The following PTPRD variants were observed in gnomAD, a reference collection of about 807,000 sequenced individuals.
The protein encoded by PTPRD is protein tyrosine phosphatase receptor type D.
PTPRD carries 34 observed loss-of-function variants against 214.5 expected under a neutral mutation model. That is an observed-to-expected ratio of 0.16 (90% confidence interval 0.12 to 0.21). The LOEUF (loss-of-function observed/expected upper bound fraction) is 0.21, where lower values mean the gene tolerates loss of function less well. PTPRD is among the 10% of genes least tolerant of loss of function. The pLI, the probability that PTPRD is intolerant of heterozygous loss-of-function variation, is 1.00. For synonymous variants in PTPRD, 1,128 were observed against 845.7 expected (o/e 1.33, Z -5.79); for missense variants, 2,545 against 2,398.7 (o/e 1.06, Z -1.27).
rs146764109 is a variant in PTPRD, at chr9:9,687,323, T to C, written c.-287+47210A>G. ...ATAAACCTTACACAGGTGGGAGAAA[T>C]ATCTTGCTTAGATGACAAGATAAGT... On this transcript the variant is annotated intron_variant, in intron 7 of 45. Transcript: ENST00000381196. 3.7e-3 allele frequency among the ~76,000 whole-genome samples: 559 copies of C among 151,864 alleles called. 7 individuals carry two copies. The highest frequency in any genetic ancestry group is 4.6e-3 in the Non-Finnish European group (313 of 67,814).
At position 8,482,285 on chromosome 9, in the gene PTPRD, A is replaced by AC. The variant is rs1297960635; in HGVS notation, c.3413+1833_3413+1834insG. On this transcript the variant is annotated intron_variant, in intron 30 of 45. Coordinates refer to ENST00000381196, the MANE Select transcript of PTPRD (RefSeq NM_002839.4). ...TCTCATCATTAAAGCAGCTACCAATAATGTATGCTGTACTACTACTCTAGT... is the reference window on the plus strand; with the variant it reads ...TCTCATCATTAAAGCAGCTACCAATACATGTATGCTGTACTACTACTCTAGT... 6.2e-3 allele frequency among the ~76,000 whole-genome samples: 437 copies of AC among 70,598 alleles called. 2 individuals are homozygous for AC. The highest frequency in any genetic ancestry group is 0.025 in the African/African-American group (394 of 15,640). The allele number at this position is 70,598 out of a possible 152,430, so 46.3% of individuals were successfully genotyped here.
chr9:8,704,113 G>A (rs1320536934), intron 12 of PTPRD, among the ~76,000 whole-genome samples: 1 of 152,114 alleles, frequency 6.6e-6, no homozygotes, highest in Admixed American at 6.5e-5. Flanking sequence ...CACCATAAGA[G>A]TAGGGGCCAG....
rs578186487 is a variant in PTPRD, at chr9:10,190,803, G to A, written c.-545+150160C>T. 1.3e-3 allele frequency among the ~76,000 whole-genome samples: 198 copies of A among 150,824 alleles called. 2 individuals are homozygous for A. The highest frequency in any genetic ancestry group is 1.7e-3 in the African/African-American group (71 of 41,004). Reference sequence around the variant, plus strand: ...ACAACTCAAGATGCAGTTGTACAACGTGAGGTTTATGAGTCTAGCAACAAA... The same window carrying A: ...ACAACTCAAGATGCAGTTGTACAACATGAGGTTTATGAGTCTAGCAACAAA... On this transcript the variant is annotated intron_variant, in intron 3 of 45. Coordinates refer to ENST00000381196, the MANE Select transcript of PTPRD (RefSeq NM_002839.4).
chr9:9,572,269 A>G lies in PTPRD; in HGVS notation c.-237+2463T>C, dbSNP rs565277306. On this transcript the variant is annotated intron_variant, in intron 8 of 45. Coordinates refer to ENST00000381196, the MANE Select transcript of PTPRD (RefSeq NM_002839.4). ...CAAACTATGTTGTGAAAATACTTCT[A>G]TCATGACTGATTTTCAAACCCATAA... Among the ~76,000 whole-genome samples, 31 of 151,530 alleles carry G rather than the reference A, an allele frequency of 2.0e-4. 1 individual carries two copies. In the South Asian group the frequency reaches 6.4e-3, roughly 31 times the overall value.
intron 2 of PTPRD, among the ~76,000 whole-genome samples, chr9:10,456,448 A>C (rs904814552): frequency 6.6e-6 from 1 of 151,926 alleles, no homozygotes; most frequent in African/African-American, 2.4e-5. Context: ...TAAAAGATCA[A>C]AGTGAGAACT....
intron 7 of PTPRD, among the ~76,000 whole-genome samples, chr9:9,632,772 G>C (rs572990424): frequency 1.3e-3 from 201 of 152,204 alleles, no homozygotes; most frequent in Non-Finnish European, 1.5e-3. Context: ...AGTTACATAG[G>C]TATAAATATA....
chr9:8,452,742 A>C (rs1377309387), intron 33 of PTPRD, among the ~76,000 whole-genome samples: 2 of 152,130 alleles, frequency 1.3e-5, no homozygotes, highest in African/African-American at 2.4e-5. Context: ...AATACTATAA[A>C]AGCATGTGGT....
At chr9:9,810,133 T>A (rs1171990257) in intron 5 of PTPRD, among the ~76,000 whole-genome samples, 5 of 108,532 alleles carry the variant, frequency 4.6e-5, no homozygotes, top group African/African-American at 8.7e-5. Context: ...ACTTCCAGGT[T>A]AAAAAAAAAA....
At chr9:10,108,977 C>G (rs1224484566) in intron 3 of PTPRD, among the ~76,000 whole-genome samples, 1 of 151,954 alleles carries the variant, frequency 6.6e-6, no homozygotes, top group Admixed American at 6.6e-5. Flanking sequence ...AACCTCAGCA[C>G]CTTCAGTAGC....
intron 3 of PTPRD, among the ~76,000 whole-genome samples, chr9:10,254,578 A>G (rs377511722): frequency 2.6e-5 from 4 of 152,334 alleles, no homozygotes; most frequent in African/African-American, 9.6e-5. Flanking sequence ...GGCTGTGCTC[A>G]GTGACAATCG....
chr9:10,194,941 A>T (rs1182843409), intron 3 of PTPRD, among the ~76,000 whole-genome samples: 4 of 137,056 alleles, frequency 2.9e-5, no homozygotes, highest in South Asian at 4.7e-4. Context: ...TTTTCATTTA[A>T]TTTTTTTTTT....
intron 3 of PTPRD, among the ~76,000 whole-genome samples, chr9:10,203,002 T>C (rs1024253631): frequency 2.6e-5 from 4 of 151,902 alleles, no homozygotes; most frequent in Admixed American, 2.0e-4. Context: ...TATTCTGTTA[T>C]AGAAATTTAA....
intron 11 of PTPRD, among the ~76,000 whole-genome samples, chr9:8,979,517 A>G (rs150393265): frequency 9.1e-4 from 139 of 152,278 alleles, no homozygotes; most frequent in South Asian, 8.1e-3. Context: ...CAAAATTTAT[A>G]AAGAACTCTT....
At chr9:8,471,164 C>T in intron 30 of PTPRD, 79 bp from the exon 31 acceptor site, 4 of 1,240,550 alleles carry the variant, frequency 3.2e-6, no homozygotes, top group African/African-American at 1.5e-5. Flanking sequence ...CTTCCACAGA[C>T]CAATGAGGTT....
intron 3 of PTPRD, among the ~76,000 whole-genome samples, chr9:10,202,654 C>G (rs1335147980): frequency 9.5e-6 from 1 of 104,736 alleles, no homozygotes; most frequent in African/African-American, 4.2e-5. Context: ...TGGATGCCTA[C>G]TTATAAAAAT....
chr9:10,393,201 T>C (rs573224890), intron 2 of PTPRD, among the ~76,000 whole-genome samples: 1 of 151,842 alleles, frequency 6.6e-6, no homozygotes, highest in Non-Finnish European at 1.5e-5. Context: ...TGATATAGTG[T>C]CCATAGTAAT....
intron 4 of PTPRD, among the ~76,000 whole-genome samples, chr9:9,957,621 G>A (rs1418804578): frequency 2.0e-5 from 3 of 152,018 alleles, no homozygotes; most frequent in South Asian, 2.1e-4. Flanking sequence ...ACAAAAACCT[G>A]TAGGGAAATA....
At chr9:10,079,244 G>A (rs942354562) in intron 3 of PTPRD, among the ~76,000 whole-genome samples, 1 of 152,038 alleles carries the variant, frequency 6.6e-6, no homozygotes, top group East Asian at 1.9e-4. Flanking sequence ...GTCTAATCTA[G>A]GCTGATCTGA....
At chr9:8,632,251 G>T (rs1444572826) in intron 14 of PTPRD, among the ~76,000 whole-genome samples, 1 of 151,358 alleles carries the variant, frequency 6.6e-6, no homozygotes, top group Non-Finnish European at 1.5e-5. Context: ...AATATCAATA[G>T]GGCTTACCTC....
Sources: allele counts gnomAD v4.1 joint callset (sites outside exome capture counted in the v4.1 genomes callset), GRCh38; gene constraint gnomAD v4.1.1; transcripts MANE v1.5; gene names NCBI Gene and HGNC (gene_info 2026-07-23, HGNC 2026-07-21).